The following MINDY2 variants were observed in gnomAD, a reference collection of about 807,000 sequenced individuals.
The protein encoded by MINDY2 is MINDY lysine 48 deubiquitinase 2.
MINDY2 carries 52 observed loss-of-function variants against 68.2 expected under a neutral mutation model. That is an observed-to-expected ratio of 0.76 (90% CI 0.61 to 0.96). MINDY2 has a LOEUF of 0.96. MINDY2 is among the 40% of genes least tolerant of loss of function. The pLI, the probability that MINDY2 is intolerant of heterozygous loss-of-function variation, is 0.00. For synonymous variants in MINDY2, 372 were observed against 303.0 expected, an observed-to-expected ratio of 1.23 and a Z score of -2.36; for missense variants, 881 against 773.4, an observed-to-expected ratio of 1.14 and a Z score of -1.65.
chr15:58,821,676 TA>T, intron 4 of MINDY2, 40 bp from the exon 5 acceptor site: 1 of 1,272,194 alleles, frequency 7.9e-7, no homozygotes, highest in Non-Finnish European at 1.1e-6. Context: ...GTTTTGTTCC[TA>T]ATCTTACCAT....
chr15:58,855,451 G>A lies in MINDY2; in HGVS notation c.*841G>A, dbSNP rs1489707547. 2 of 152,518 alleles carry A rather than the reference G, an allele frequency of 1.3e-5. No individual in the cohort carries two copies. Among genetic ancestry groups the A allele is most frequent in the Non-Finnish European group, 2.9e-5 (2 of 68,018 alleles). The allele number at this position is 152,518 out of a possible 1,614,324, so 9.4% of individuals were successfully genotyped here. Reference sequence around the variant, plus strand: ...TGGATGCTAGGCTTTGTAAATATGGGGATGTAGAAAAGCAGATAGTTCAGT... The same window carrying A: ...TGGATGCTAGGCTTTGTAAATATGGAGATGTAGAAAAGCAGATAGTTCAGT... On this transcript the variant is annotated 3_prime_UTR_variant, in exon 9 of 9. Coordinates refer to ENST00000559228, the MANE Select transcript of MINDY2 (RefSeq NM_001040450.3).
chr15:58,854,210 C>G (rs2032969663), intron 8 of MINDY2, among the ~76,000 whole-genome samples: 1 of 150,880 alleles, frequency 6.6e-6, no homozygotes, highest in African/African-American at 2.4e-5. Flanking sequence ...CACCATTGCA[C>G]TCCAGCCTGG....
chr15:58,774,214 GGCTCAC>G (rs1321019418), intron 1 of MINDY2, among the ~76,000 whole-genome samples: 2 of 152,166 alleles, frequency 1.3e-5, no homozygotes, highest in African/African-American at 4.8e-5. Context: ...CGGGCGCGGT[GGCTCAC>G]GCCTGTATTC....
intron 1 of MINDY2, among the ~76,000 whole-genome samples, chr15:58,784,893 C>G (rs1901383135): frequency 6.6e-6 from 1 of 151,768 alleles, no homozygotes. Flanking sequence ...CTTCAGCCTC[C>G]CAAAGTGCTG....
At chr15:58,807,744 A>C (rs973154788) in intron 3 of MINDY2, among the ~76,000 whole-genome samples, 1 of 152,132 alleles carries the variant, frequency 6.6e-6, no homozygotes, top group Non-Finnish European at 1.5e-5. Flanking sequence ...TAATCTGACA[A>C]ACAAGTCTTT....
chr15:58,799,516 T>A (rs1902502694), intron 2 of MINDY2, among the ~76,000 whole-genome samples: 1 of 151,300 alleles, frequency 6.6e-6, no homozygotes, highest in Admixed American at 6.6e-5. Flanking sequence ...GAGGCGGAGC[T>A]TGCAGTGAGC....
At chr15:58,854,046 C>G (rs900748470) in intron 8 of MINDY2, among the ~76,000 whole-genome samples, 8 of 151,832 alleles carry the variant, frequency 5.3e-5, no homozygotes, top group Non-Finnish European at 5.9e-5. Context: ...AGTGTGAGAC[C>G]AGCCTGGCCA....
intron 4 of MINDY2, among the ~76,000 whole-genome samples, chr15:58,811,286 A>C (rs758404425): frequency 1.3e-5 from 2 of 152,192 alleles, no homozygotes; most frequent in Non-Finnish European, 1.5e-5. Flanking sequence ...CATCACTCTA[A>C]CTGTACATTT....
chr15:58,775,157 G>A (rs1054963549), intron 1 of MINDY2, among the ~76,000 whole-genome samples: 1 of 152,156 alleles, frequency 6.6e-6, no homozygotes, highest in Non-Finnish European at 1.5e-5. Flanking sequence ...GCTACATGAT[G>A]TAATGACATC....
intron 2 of MINDY2, among the ~76,000 whole-genome samples, chr15:58,789,383 C>T (rs1901733242): frequency 6.6e-6 from 1 of 152,146 alleles, no homozygotes; most frequent in East Asian, 1.9e-4. Context: ...CTCTACCCTT[C>T]CAGGCAACTA....
At position 58,810,272 on chromosome 15, in the gene MINDY2, G is replaced by T; in HGVS notation, c.1006G>T (p.Gly336Cys). The change falls in exon 4 of 9, where the codon GGC (glycine) becomes TGC (cysteine). Residue 336 changes from glycine to cysteine, a missense_variant. Gly to Cys is a radical substitution (Grantham distance 159). Transcript: ENST00000559228. ...AMAILHKLQT[G>C]LDVNVRFTGV... ...GGCAATTTTGCACAAACTACAGACAGGCCTGGATGTAAATGTAAGATTCAC... is the reference window on the plus strand; with the variant it reads ...GGCAATTTTGCACAAACTACAGACATGCCTGGATGTAAATGTAAGATTCAC... 6.2e-7 allele frequency: 1 copy of T among 1,613,588 alleles called. No individual in the cohort carries two copies. The highest frequency in any genetic ancestry group is 8.5e-7 in the Non-Finnish European group (1 of 1,179,850).
intron 5 of MINDY2, among the ~76,000 whole-genome samples, chr15:58,831,055 A>ATATATATATATATATG (rs1204574446): frequency 2.6e-4 from 38 of 145,502 alleles, no homozygotes; most frequent in African/African-American, 1.0e-3. Context: ...ATATATATAT[A>ATATATATATATATATG]TATATGTTTT....
In MINDY2 at chr15:58,854,839, C is replaced by T. The variant is rs1230501287; in HGVS notation, c.*229C>T. 3 of 323,514 alleles carry T rather than the reference C, an allele frequency of 9.3e-6. No homozygotes were observed. In the Admixed American group the frequency reaches 1.3e-4, roughly 14 times the overall value. The allele number at this position is 323,514 out of a possible 1,614,324, so 20.0% of individuals were successfully genotyped here. Reference sequence around the variant, plus strand: ...ACAAGTTGGAAATGCTGTGTGTTGACATTCATGAAAAATACTGCACTTGTA... The same window carrying T: ...ACAAGTTGGAAATGCTGTGTGTTGATATTCATGAAAAATACTGCACTTGTA... On this transcript the variant is annotated 3_prime_UTR_variant, in exon 9 of 9. Transcript: ENST00000559228.
At chr15:58,800,618 C>G (rs1902576091) in intron 2 of MINDY2, among the ~76,000 whole-genome samples, 2 of 151,756 alleles carry the variant, frequency 1.3e-5, no homozygotes, top group African/African-American at 4.8e-5. Flanking sequence ...GCTTTTTCTC[C>G]CATTGCCATT....
chr15:58,854,849 A>G lies in MINDY2; in HGVS notation c.*239A>G. The G allele has an allele frequency of 3.2e-6, 1 of 311,984 alleles. No individual in the cohort carries two copies. The highest frequency in any genetic ancestry group is 2.1e-5 in the African/African-American group (1 of 47,376). 19.3% of individuals were successfully genotyped at this position (311,984 alleles called of 1,614,324 possible). A position where few individuals can be genotyped will look rare whatever the true frequency, so the allele number is the denominator to read the frequency against. On this transcript the variant is annotated 3_prime_UTR_variant, in exon 9 of 9. Transcript: ENST00000559228. ...AATGCTGTGTGTTGACATTCATGAAAAATACTGCACTTGTAGCCAGATTAG... is the reference window on the plus strand; with the variant it reads ...AATGCTGTGTGTTGACATTCATGAAGAATACTGCACTTGTAGCCAGATTAG...
intron 5 of MINDY2, among the ~76,000 whole-genome samples, chr15:58,825,606 T>G (rs2031346994): frequency 1.3e-5 from 2 of 152,098 alleles, no homozygotes; most frequent in Non-Finnish European, 2.9e-5. Context: ...GTTTGTTTGT[T>G]TGTTTGTTTT....
At position 58,847,470 on chromosome 15, in the gene MINDY2, G is replaced by A. The variant is rs758320665; in HGVS notation, c.1542G>A (p.Gln514=). ...AAGGACAACAAGATCAGATAGATCA[G>A]GTAAATTTGTATTGTCGTCTTTATA... ...VYKGQQDQID[Q]DYLMALSLQQ... Residue 514 remains glutamine, a splice_region_variant and synonymous_variant, in exon 7 of 9, where the codon CAG becomes CAA. Coordinates refer to ENST00000559228, the MANE Select transcript of MINDY2 (RefSeq NM_001040450.3). The A allele has an allele frequency of 2.0e-6, 3 of 1,528,962 alleles. No homozygotes were observed. Among genetic ancestry groups the A allele is most frequent in the Non-Finnish European group, 2.7e-6 (3 of 1,121,842 alleles). The allele number at this position is 1,528,962 out of a possible 1,614,324, so 94.7% of individuals were successfully genotyped here. A position where few individuals can be genotyped will look rare whatever the true frequency, so the allele number is the denominator to read the frequency against.
intron 4 of MINDY2, among the ~76,000 whole-genome samples, chr15:58,814,713 T>C (rs183695905): frequency 6.6e-6 from 1 of 152,220 alleles, no homozygotes; most frequent in African/African-American, 2.4e-5. Context: ...CTTTTTGTAA[T>C]TGAGTTGCAA....
intron 8 of MINDY2, among the ~76,000 whole-genome samples, chr15:58,852,467 A>G (rs1814459370): frequency 6.6e-6 from 1 of 152,098 alleles, no homozygotes; most frequent in Non-Finnish European, 1.5e-5. Context: ...CTGATTTTCA[A>G]ATTTATTTTT....
Sources: gnomAD v4.1 joint callset for allele counts (sites outside exome capture counted in the v4.1 genomes callset) on GRCh38, gnomAD v4.1.1 for gene constraint, MANE v1.5 for transcripts, NCBI Gene and HGNC (gene_info 2026-07-23, HGNC 2026-07-21) for gene names.